Variants in ANKS1A observed in about 807,000 individuals in gnomAD.
ANKS1A encodes ankyrin repeat and SAM domain-containing protein 1A.
ANKS1A carries 55 observed loss-of-function variants against 120.3 expected under a neutral mutation model. That is an observed-to-expected ratio of 0.46 (90% CI 0.37 to 0.57). ANKS1A has a LOEUF of 0.57. ANKS1A is among the 20% of genes least tolerant of loss of function. The pLI is 0.00. For missense variants in ANKS1A, 1,123 were observed against 1,480.3 expected (o/e 0.76, Z 3.96); for synonymous variants, 590 against 604.7 (o/e 0.98, Z 0.36).
chr6:35,085,218 A>C lies in ANKS1A; in HGVS notation c.3133-548A>C, dbSNP rs997126416. On this transcript the variant is annotated intron_variant, in intron 21 of 23. Transcript: ENST00000360359. The surrounding 1 kb of genome is among the most constrained non-coding windows in gnomAD (Gnocchi z 4.7). Reference sequence around the variant, plus strand: ...TATAATGTGGCCCACCTCAGGGGCCACTGTGAGATGGATGAGGTGGTCCAC... The same window carrying C: ...TATAATGTGGCCCACCTCAGGGGCCCCTGTGAGATGGATGAGGTGGTCCAC... 6.6e-6 allele frequency among the ~76,000 whole-genome samples: 1 copy of C among 152,116 alleles called. No homozygotes were observed. Among genetic ancestry groups the C allele is most frequent in the Non-Finnish European group, 1.5e-5 (1 of 68,012 alleles).
At chr6:35,052,293 A>G (rs1427913490) in intron 11 of ANKS1A, among the ~76,000 whole-genome samples, 1 of 151,840 alleles carries the variant, frequency 6.6e-6, no homozygotes, top group African/African-American at 2.4e-5. Flanking sequence ...ACAAAAAATA[A>G]CAAAAAAATT....
intron 10 of ANKS1A, among the ~76,000 whole-genome samples, chr6:35,007,071 A>C (rs1773499238): frequency 6.6e-6 from 1 of 152,206 alleles, no homozygotes; most frequent in East Asian, 1.9e-4. Context: ...TATAGGAATA[A>C]GTTTTATGTG....
rs1337750137 is a variant in ANKS1A at position 35,057,200 on chromosome 6, T to C, written c.2078-2947T>C. Among the ~76,000 whole-genome samples, 1 of 152,132 alleles carries C rather than the reference T, an allele frequency of 6.6e-6. No individual in the cohort carries two copies. The highest frequency in any genetic ancestry group is 6.5e-5 in the Admixed American group (1 of 15,288). On this transcript the variant is annotated intron_variant, in intron 12 of 23. Transcript: ENST00000360359. This position sits in a 1 kb window ranked among gnomAD's most constrained non-coding sequence, Gnocchi z 4.1. ...TTTTTAGGGCCACAGGCCCCTGGGC[T>C]GCCACCACTGGAGCTAGTTAGCTGA...
At chr6:34,908,423 C>G (rs974036921) in intron 1 of ANKS1A, among the ~76,000 whole-genome samples, 1 of 152,178 alleles carries the variant, frequency 6.6e-6, no homozygotes, top group African/African-American at 2.4e-5. Flanking sequence ...TTGGCTAGTG[C>G]TGGATCGTCA....
At chr6:34,966,453 T>C (rs1770899632) in intron 1 of ANKS1A, among the ~76,000 whole-genome samples, 1 of 152,226 alleles carries the variant, frequency 6.6e-6, no homozygotes, top group Non-Finnish European at 1.5e-5. Context: ...TTAGAGGCAT[T>C]CTCATTAGAA....
chr6:35,053,453 G>A (rs1021886264), intron 11 of ANKS1A, among the ~76,000 whole-genome samples: 5 of 152,242 alleles, frequency 3.3e-5, no homozygotes, highest in South Asian at 2.1e-4. Flanking sequence ...TCTGTGCCCC[G>A]TCTCATCTCC....
intron 11 of ANKS1A, among the ~76,000 whole-genome samples, chr6:35,029,591 C>G (rs1163756407): frequency 6.6e-6 from 1 of 151,644 alleles, no homozygotes; most frequent in Non-Finnish European, 1.5e-5. Flanking sequence ...CTCAGGTGAT[C>G]CACCCACCTG....
chr6:35,017,516 G>GGGGCAGGAC lies in ANKS1A; in HGVS notation c.1475_1483dup (p.Asp492_Gln494dup). 1 of 1,613,814 alleles carries GGGGCAGGAC rather than the reference G, an allele frequency of 6.2e-7. No individual in the cohort carries two copies. Among genetic ancestry groups the GGGGCAGGAC allele is most frequent in the Non-Finnish European group, 8.5e-7 (1 of 1,179,862 alleles). ...GCAGCCGGAGCCAGGACTCTGCGGA[G>GGGGCAGGAC]GGGCAGGACGGGCAGGTCCCAGAGC... On this transcript the variant is annotated inframe_insertion, in exon 11 of 24. Transcript: ENST00000360359.
At position 34,994,426 on chromosome 6, in the gene ANKS1A, C is replaced by CG; in HGVS notation, c.1423+5dup. 1 of 1,609,562 alleles carries CG rather than the reference C, an allele frequency of 6.2e-7. No homozygotes were observed. Among genetic ancestry groups the CG allele is most frequent in the Non-Finnish European group, 8.5e-7 (1 of 1,177,002 alleles). On this transcript the variant is annotated splice_donor_region_variant and intron_variant, in intron 10 of 23. Transcript: ENST00000360359. Reference sequence around the variant, plus strand: ...TTGGTGGATGGAAAAACAAAAGGTACGTTCCCCACAACTCCTGGCAGAACC... The same window carrying CG: ...TTGGTGGATGGAAAAACAAAAGGTACGGTTCCCCACAACTCCTGGCAGAACC...
At chr6:34,951,189 G>T (rs1452725455) in intron 1 of ANKS1A, among the ~76,000 whole-genome samples, 1 of 151,896 alleles carries the variant, frequency 6.6e-6, no homozygotes, top group Middle Eastern at 3.2e-3. Flanking sequence ...AGAATGCCTT[G>T]CCTCGTTTTA....
rs1581759859 is a variant in ANKS1A at position 35,084,077 on chromosome 6, C to G, written c.2995-44C>G. 5 of 1,609,618 alleles carry G rather than the reference C, an allele frequency of 3.1e-6. No homozygotes were observed. Among genetic ancestry groups the G allele is most frequent in the Non-Finnish European group, 4.2e-6 (5 of 1,177,374 alleles). ...AGGCTGGGGCAGGGGGTGCCAGAGG[C>G]ATGCCTGAGCCTGAGAATTCCAGAA... is the stretch of plus-strand genomic sequence containing the variant. On this transcript the variant is annotated intron_variant, in intron 20 of 23. Coordinates refer to ENST00000360359, the MANE Select transcript of ANKS1A (RefSeq NM_015245.3). The surrounding 1 kb of genome is among the most constrained non-coding windows in gnomAD (Gnocchi z 4.8).
At position 35,090,610 on chromosome 6, in the gene ANKS1A, G is replaced by A; in HGVS notation, c.*2001G>A. 1.0e-6 allele frequency: 1 copy of A among 990,736 alleles called. No individual in the cohort carries two copies. The highest frequency in any genetic ancestry group is 1.2e-6 in the Non-Finnish European group (1 of 833,194). 61.4% of individuals were successfully genotyped at this position (990,736 alleles called of 1,614,324 possible). ...GATTGGTTTATTTCTGAATATTCAAGAAAGGAAAATGACTGGGCCTTTCTT... is the reference window on the plus strand; with the variant it reads ...GATTGGTTTATTTCTGAATATTCAAAAAAGGAAAATGACTGGGCCTTTCTT... On this transcript the variant is annotated 3_prime_UTR_variant, in exon 24 of 24. Coordinates refer to ENST00000360359, the MANE Select transcript of ANKS1A (RefSeq NM_015245.3).
intron 13 of ANKS1A, among the ~76,000 whole-genome samples, chr6:35,061,419 T>G (rs992505728): frequency 2.0e-4 from 31 of 152,220 alleles, no homozygotes; most frequent in Admixed American, 6.5e-5. Flanking sequence ...CTCCGCTGCC[T>G]CAGTTGAGGG....
At chr6:35,038,360 G>A (rs899363668) in intron 11 of ANKS1A, 11 of 454,984 alleles carry the variant, frequency 2.4e-5, no homozygotes, top group Admixed American at 7.1e-5. Context: ...AGTTTCGACC[G>A]GTCCACGATG....
chr6:34,979,165 G>A (rs1771769244), intron 3 of ANKS1A, among the ~76,000 whole-genome samples: 1 of 152,106 alleles, frequency 6.6e-6, no homozygotes, highest in East Asian at 1.9e-4. Flanking sequence ...AAAGTGCTAG[G>A]ATTACAGGCA....
chr6:35,053,238 G>A (rs929261670), intron 11 of ANKS1A, among the ~76,000 whole-genome samples: 1 of 152,254 alleles, frequency 6.6e-6, no homozygotes, highest in African/African-American at 2.4e-5. Context: ...CCAAAAAGGA[G>A]GAGGAGGGGA....
rs117484659 is a variant in ANKS1A, at chr6:34,982,967, A to T, written c.808+140A>T. The T allele has an allele frequency of 9.5e-6, 12 of 1,263,516 alleles. No individual in the cohort carries two copies. The East Asian group carries it at 2.6e-4, about 27-fold the overall frequency. 78.3% of individuals were successfully genotyped at this position (1,263,516 alleles called of 1,614,324 possible). ...CCACTGGTTGATTACAAGTGTGTAA[A>T]CTGTTCTTGAATAGCTGGATTAAAT... On this transcript the variant is annotated intron_variant, in intron 5 of 23. Transcript: ENST00000360359. This position sits in a 1 kb window ranked among gnomAD's most constrained non-coding sequence, Gnocchi z 4.9.
chr6:34,970,937 G>T (rs565983952), intron 3 of ANKS1A, among the ~76,000 whole-genome samples: 19 of 152,322 alleles, frequency 1.2e-4, no homozygotes, highest in African/African-American at 4.6e-4. Flanking sequence ...AAGCCCAGGA[G>T]TTTGAGGGTG....
Position 35,080,991 on chromosome 6 carries a change from C to T in ANKS1A, c.2545-3C>T, listed in dbSNP as rs377241942. Reference sequence around the variant, plus strand: ...AGTTCCACCTGGATTTTTCCCTCCACAGTGCCAAGATTTGCTCTCCCAGAC... The same window carrying T: ...AGTTCCACCTGGATTTTTCCCTCCATAGTGCCAAGATTTGCTCTCCCAGAC... On this transcript the variant is annotated splice_region_variant and splice_polypyrimidine_tract_variant and intron_variant, in intron 16 of 23. Coordinates refer to ENST00000360359, the MANE Select transcript of ANKS1A (RefSeq NM_015245.3). 1.6e-5 allele frequency: 25 copies of T among 1,611,548 alleles called. No homozygotes were observed. The African/African-American group carries it at 2.7e-4, about 17-fold the overall frequency.
Sources: gnomAD v4.1 joint callset for allele counts (sites outside exome capture counted in the v4.1 genomes callset) on GRCh38, gnomAD v4.1.1 for gene constraint, Gnocchi (gnomAD v3.1) non-coding constraint, MANE v1.5 for transcripts, NCBI Gene and HGNC (gene_info 2026-07-23, HGNC 2026-07-21) for gene names.